COP1: variants seen among roughly 807,000 people sequenced by gnomAD.
COP1 encodes COP1 E3 ubiquitin ligase, also known as E3 ubiquitin-protein ligase COP1.
Under a neutral mutation model 101.3 loss-of-function variants are expected in COP1, and 24 were observed. That is an observed-to-expected ratio of 0.24 (90% CI 0.17 to 0.33). The LOEUF is 0.33. Among genes scored for constraint, COP1 ranks in the 10% least tolerant of loss-of-function variants. COP1 has a pLI of 1.00. For synonymous variants in COP1, 347 were observed against 341.9 expected, an observed-to-expected ratio of 1.01 and a Z score of -0.17; for missense variants, 663 against 906.2, an observed-to-expected ratio of 0.73 and a Z score of 3.45.
At chr1:176,124,874 A>G (rs1687758435) in intron 8 of COP1, among the ~76,000 whole-genome samples, 1 of 152,174 alleles carries the variant, frequency 6.6e-6, no homozygotes, top group South Asian at 2.1e-4. Context: ...ACTAAATTAC[A>G]TTCCCACCAG....
chr1:176,176,331 T>C (rs1322646196), intron 2 of COP1, among the ~76,000 whole-genome samples: 1 of 152,164 alleles, frequency 6.6e-6, no homozygotes, highest in South Asian at 2.1e-4. Context: ...ACAGCTCAGT[T>C]AAGCAAACAG....
intron 3 of COP1, among the ~76,000 whole-genome samples, chr1:176,169,192 G>T (rs1442722775): frequency 6.6e-6 from 1 of 152,074 alleles, no homozygotes; most frequent in East Asian, 1.9e-4. Context: ...CAAAGGAAAT[G>T]GAATCCTCGT....
chr1:176,013,832 T>G (rs1434682103), intron 15 of COP1, among the ~76,000 whole-genome samples: 2 of 152,208 alleles, frequency 1.3e-5, no homozygotes, highest in African/African-American at 4.8e-5. Flanking sequence ...TACGTGCACA[T>G]GTAAAACTAT....
chr1:175,982,331 C>T (rs1266495639), intron 18 of COP1: 1 of 456,156 alleles, frequency 2.2e-6, no homozygotes, highest in Non-Finnish European at 4.4e-6. Context: ...ATACAGCTGA[C>T]CCTTGGAAAA....
intron 3 of COP1, among the ~76,000 whole-genome samples, chr1:176,175,321 AT>A (rs1339214146): frequency 6.6e-6 from 1 of 152,186 alleles, no homozygotes; most frequent in Non-Finnish European, 1.5e-5. Flanking sequence ...TAAACCTCAC[AT>A]CCAGTCTGTC....
At chr1:176,153,243 A>G (rs916907495) in intron 5 of COP1, among the ~76,000 whole-genome samples, 5 of 152,114 alleles carry the variant, frequency 3.3e-5, no homozygotes, top group African/African-American at 4.8e-5. Context: ...TCTTTTACCC[A>G]CCCAGAAGTT....
chr1:175,988,641 T>G (rs1657691004), intron 16 of COP1: 1 of 384,042 alleles, frequency 2.6e-6, no homozygotes, highest in African/African-American at 2.0e-5. Context: ...GAGACCAGCC[T>G]GGCCAACATA....
chr1:176,155,401 G>C (rs1047029907), intron 5 of COP1, among the ~76,000 whole-genome samples: 1 of 151,778 alleles, frequency 6.6e-6, no homozygotes, highest in Non-Finnish European at 1.5e-5. Flanking sequence ...CATAGCAGAG[G>C]AAAGGAATAA....
intron 10 of COP1, among the ~76,000 whole-genome samples, chr1:176,085,369 T>G (rs774929994): frequency 6.6e-6 from 1 of 152,170 alleles, no homozygotes; most frequent in Non-Finnish European, 1.5e-5. Context: ...TCTGTTGCTT[T>G]CCCTGACTCG....
chr1:176,058,254 C>T (rs1388379349), intron 11 of COP1, among the ~76,000 whole-genome samples: 2 of 152,080 alleles, frequency 1.3e-5, no homozygotes, highest in Non-Finnish European at 2.9e-5. Context: ...GCCACCACCC[C>T]GTCTGGGAGG....
rs374830292 is a variant in COP1 at position 175,987,014 on chromosome 1, C to T, written c.2062G>A (p.Asp688Asn). Reference protein sequence around the residue: ...FKFDTVKSVLDKDRKEDDTNE... With the variant: ...FKFDTVKSVLNKDRKEDDTNE... ...GTATCATCTTCTTTTCGGTCTTTGT[C>T]GAGAACACTTTTGACTGTATCAAAC... Residue 688 changes from aspartate (D) to asparagine (N), a missense_variant, in exon 18 of 20, where the codon GAC becomes AAC. Around this residue, in one of 4 missense-constraint regions of COP1, gnomAD observed 209 missense variants for 383.3 expected, o/e 0.55. Coordinates refer to ENST00000367669, the MANE Select transcript of COP1 (RefSeq NM_022457.7). The T allele has an allele frequency of 6.8e-6, 11 of 1,612,026 alleles. No homozygotes were observed. In the African/African-American group the frequency reaches 8.0e-5, roughly 12 times the overall value.
chr1:176,052,413 C>T (rs1672727756), intron 11 of COP1, among the ~76,000 whole-genome samples: 1 of 152,162 alleles, frequency 6.6e-6, no homozygotes, highest in South Asian at 2.1e-4. Context: ...GCCTGGGCTA[C>T]TGAAACAGCC....
At chr1:176,191,406 G>A (rs920457391) in intron 1 of COP1, among the ~76,000 whole-genome samples, 6 of 151,798 alleles carry the variant, frequency 4.0e-5, no homozygotes, top group East Asian at 1.9e-4. Context: ...AATGAAAGAC[G>A]CCCAGCAAAA....
chr1:176,179,271 C>T lies in COP1; in HGVS notation c.468-3264G>A, dbSNP rs374670738. On this transcript the variant is annotated intron_variant, in intron 2 of 19. Transcript: ENST00000367669. ...CGCCATTGCACTCCAGCCTGGGCGACAAAGTGAGACTCCGTCTCAAAAAAA... is the reference window on the plus strand; with the variant it reads ...CGCCATTGCACTCCAGCCTGGGCGATAAAGTGAGACTCCGTCTCAAAAAAA... Among the ~76,000 whole-genome samples the T allele has an allele frequency of 2.8e-3, 393 of 140,808 alleles. 3 individuals carry two copies. The highest frequency in any genetic ancestry group is 9.9e-3 in the African/African-American group (375 of 37,744). 92.4% of individuals were successfully genotyped at this position (140,808 alleles called of 152,430 possible). A position where few individuals can be genotyped will look rare whatever the true frequency, so the allele number is the denominator to read the frequency against.
intron 3 of COP1, among the ~76,000 whole-genome samples, chr1:176,166,390 T>C (rs1340659610): frequency 6.6e-6 from 1 of 152,124 alleles, no homozygotes; most frequent in African/African-American, 2.4e-5. Context: ...GCCTCCCAAG[T>C]GCTGGATTAC....
intron 15 of COP1, among the ~76,000 whole-genome samples, chr1:176,004,939 C>T (rs1004094318): frequency 9.2e-5 from 14 of 151,692 alleles, no homozygotes; most frequent in African/African-American, 3.4e-4. Context: ...ACCAGTTCCT[C>T]CTTGTACCTC....
At chr1:176,166,621 G>T (rs374656418) in intron 3 of COP1, among the ~76,000 whole-genome samples, 19 of 152,096 alleles carry the variant, frequency 1.2e-4, no homozygotes, top group African/African-American at 4.1e-4. Flanking sequence ...TTGAAAAAAT[G>T]GTTATTTTTT....
intron 3 of COP1, among the ~76,000 whole-genome samples, chr1:176,172,971 C>G (rs1039026321): frequency 2.6e-5 from 4 of 152,146 alleles, no homozygotes; most frequent in Non-Finnish European, 5.9e-5. Context: ...TATAATCCCA[C>G]TGAAAGCTGC....
Position 175,987,063 on chromosome 1 carries a change from A to G in COP1, c.2013T>C (p.Leu671=), listed in dbSNP as rs1308996758. The change falls in exon 18 of 20, where the codon CTT becomes CTC. Residue 671 remains leucine, a synonymous_variant. Coordinates refer to ENST00000367669, the MANE Select transcript of COP1 (RefSeq NM_022457.7). ...ACTTAAAAGTTAGCAAAGTCTTAGA[A>G]AGTCCTTTATAGTACAGGTAGAGAG... The part of the protein sequence containing the change: ...NNSLYLYYKG[L]SKTLLTFKFD... 1 of 1,581,174 alleles carries G rather than the reference A, an allele frequency of 6.3e-7. No homozygotes were observed. The highest frequency in any genetic ancestry group is 1.1e-5 in the South Asian group (1 of 89,680).
Sources: gnomAD v4.1 joint callset for allele counts (sites outside exome capture counted in the v4.1 genomes callset) on GRCh38, gnomAD v4.1.1 for gene constraint, gnomAD v4.1.1 regional missense constraint, MANE v1.5 for transcripts, NCBI Gene and HGNC (gene_info 2026-07-23, HGNC 2026-07-21) for gene names.